LYPD6B: variants seen among roughly 807,000 people sequenced by gnomAD.
The protein encoded by LYPD6B is ly6/PLAUR domain-containing protein 6B.
A neutral mutation model predicts 22.8 loss-of-function variants in LYPD6B; 17 were observed. The ratio of observed to expected loss-of-function variants is 0.75; its 90% CI spans 0.51 to 1.12. The LOEUF (loss-of-function observed/expected upper bound fraction) is 1.12. Among genes scored for constraint, LYPD6B ranks in the 50% most tolerant of loss-of-function variants. The pLI is 0.00. For synonymous variants in LYPD6B, 106 were observed against 91.6 expected, an observed-to-expected ratio of 1.16 and a Z score of -0.90; for missense variants, 221 against 258.3, an observed-to-expected ratio of 0.86 and a Z score of 0.99.
intron 2 of LYPD6B, chr2:149,131,532 G>A (rs865793862): frequency 6.6e-6 from 1 of 152,044 alleles, no homozygotes; most frequent in East Asian, 1.9e-4. Context: ...AGGAAAGAGA[G>A]AATTGTCTTG....
chr2:149,211,567 T>C (rs778330165), intron 5 of LYPD6B, among the ~76,000 whole-genome samples: 4 of 152,062 alleles, frequency 2.6e-5, no homozygotes, highest in Non-Finnish European at 5.9e-5. Context: ...TGCTACTGTT[T>C]GTATTATGTA....
At chr2:149,091,317 A>G (rs942201910) in intron 1 of LYPD6B, among the ~76,000 whole-genome samples, 9 of 150,950 alleles carry the variant, frequency 6.0e-5, no homozygotes, top group Non-Finnish European at 1.2e-4. Flanking sequence ...ATTACATAAA[A>G]TAAAAAGGTT....
intron 3 of LYPD6B, among the ~76,000 whole-genome samples, chr2:149,192,913 TG>T (rs1188788379): frequency 6.6e-6 from 1 of 152,058 alleles, no homozygotes. Flanking sequence ...GGGCAGTCTC[TG>T]GGGGGCTTTT....
chr2:149,062,080 C>T (rs192728432), intron 1 of LYPD6B, among the ~76,000 whole-genome samples: 10 of 152,074 alleles, frequency 6.6e-5, no homozygotes, highest in Non-Finnish European at 1.0e-4. Context: ...TCCGCCTTCC[C>T]GGGTTCAAGC....
Position 149,057,408 on chromosome 2 carries a change from AG to A in LYPD6B, c.-67+18608del, listed in dbSNP as rs1338510509. ...CCCTGCACTTTTTTTTTTTAATTAC[AG>A]TGCCTTTTTTCTTTTGATTATATGA... On this transcript the variant is annotated intron_variant, in intron 1 of 6. Transcript: ENST00000409642. Among the ~76,000 whole-genome samples the A allele has an allele frequency of 2.0e-5, 3 of 151,498 alleles. No homozygotes were observed. The East Asian group carries it at 5.8e-4, about 29-fold the overall frequency.
chr2:149,089,039 T>C (rs541116507), intron 1 of LYPD6B, among the ~76,000 whole-genome samples: 1 of 152,300 alleles, frequency 6.6e-6, no homozygotes, highest in Admixed American at 6.5e-5. Flanking sequence ...ATAATATTAG[T>C]ACCCAATGTA....
chr2:149,112,919 A>C (rs1339762234), intron 1 of LYPD6B, among the ~76,000 whole-genome samples: 1 of 152,194 alleles, frequency 6.6e-6, no homozygotes, highest in African/African-American at 2.4e-5. Context: ...AAAATAAACA[A>C]AGAGTTCCTT....
chr2:149,177,784 CA>C (rs1382242038), intron 3 of LYPD6B, among the ~76,000 whole-genome samples: 1 of 150,184 alleles, frequency 6.7e-6, no homozygotes, highest in Non-Finnish European at 1.5e-5. Context: ...CAAGAGAGCT[CA>C]AACTGCATCT....
chr2:149,200,909 G>A (rs1027686437), intron 3 of LYPD6B, among the ~76,000 whole-genome samples: 8 of 152,136 alleles, frequency 5.3e-5, no homozygotes, highest in Admixed American at 3.3e-4. Context: ...ATCTTCCGAA[G>A]GGAGGACTCA....
chr2:149,134,235 A>G (rs1688217225), intron 2 of LYPD6B, among the ~76,000 whole-genome samples: 1 of 152,182 alleles, frequency 6.6e-6, no homozygotes, highest in South Asian at 2.1e-4. Context: ...CTCTGCAGTC[A>G]CATCTTACTA....
intron 1 of LYPD6B, among the ~76,000 whole-genome samples, chr2:149,116,813 T>C (rs1171474195): frequency 6.6e-6 from 1 of 152,208 alleles, no homozygotes; most frequent in Non-Finnish European, 1.5e-5. Flanking sequence ...ATCTAATAAA[T>C]GTTTAGTTCT....
intron 2 of LYPD6B, among the ~76,000 whole-genome samples, chr2:149,154,704 G>T (rs1559037426): frequency 6.6e-6 from 1 of 152,062 alleles, no homozygotes; most frequent in South Asian, 2.1e-4. Flanking sequence ...TGTGGGGAGA[G>T]TGGCGGAGTG....
intron 1 of LYPD6B, among the ~76,000 whole-genome samples, chr2:149,109,892 A>G (rs111583479): frequency 0.41 from 62,327 of 151,354 alleles, 13,310 homozygotes; most frequent in African/African-American, 0.54. Flanking sequence ...TTGTATTTTA[A>G]TAGAGATGGG....
intron 2 of LYPD6B, among the ~76,000 whole-genome samples, chr2:149,131,833 C>G (rs949512461): frequency 6.6e-6 from 1 of 152,056 alleles, no homozygotes; most frequent in Non-Finnish European, 1.5e-5. Context: ...TCTTTGGGAG[C>G]TAAAACAGAA....
chr2:149,149,710 C>G (rs566225501), intron 2 of LYPD6B, among the ~76,000 whole-genome samples: 2 of 152,308 alleles, frequency 1.3e-5, no homozygotes. Flanking sequence ...TGTGTATAAC[C>G]TCCCCTACTT....
chr2:149,143,189 T>C (rs1234950818), intron 2 of LYPD6B, among the ~76,000 whole-genome samples: 2 of 152,220 alleles, frequency 1.3e-5, no homozygotes, highest in African/African-American at 4.8e-5. Context: ...TTCAAAAATA[T>C]GCATAAATCC....
chr2:149,204,306 CAA>C (rs1363074861), intron 3 of LYPD6B, among the ~76,000 whole-genome samples: 1 of 152,218 alleles, frequency 6.6e-6, no homozygotes, highest in Admixed American at 6.5e-5. Flanking sequence ...GCACCTGAAC[CAA>C]AGTCTTCGGG....
chr2:149,149,667 T>A (rs1297856148), intron 2 of LYPD6B, among the ~76,000 whole-genome samples: 1 of 152,226 alleles, frequency 6.6e-6, no homozygotes, highest in African/African-American at 2.4e-5. Flanking sequence ...GATTAAATTC[T>A]TTTCTCACCC....
At chr2:149,196,014 A>C (rs762220557) in intron 3 of LYPD6B, among the ~76,000 whole-genome samples, 4 of 152,122 alleles carry the variant, frequency 2.6e-5, no homozygotes, top group Non-Finnish European at 5.9e-5. Context: ...ACTTGACTTT[A>C]CCCTTGTGGG....
Sources: allele counts gnomAD v4.1 joint callset (sites outside exome capture counted in the v4.1 genomes callset), GRCh38; gene constraint gnomAD v4.1.1; transcripts MANE v1.5; gene names NCBI Gene and HGNC (gene_info 2026-07-23, HGNC 2026-07-21).